Variants in KMT2C observed in about 807,000 individuals in gnomAD.
KMT2C encodes histone-lysine N-methyltransferase 2C.
A neutral mutation model predicts 507.9 loss-of-function variants in KMT2C; 88 were observed. The ratio of observed to expected loss-of-function variants is 0.17; its 90% CI spans 0.15 to 0.21. The LOEUF (loss-of-function observed/expected upper bound fraction) is 0.21, where lower values mean the gene tolerates loss of function less well. KMT2C is among the 10% of genes least tolerant of loss of function. KMT2C has a pLI of 1.00. For missense variants in KMT2C, 4,954 were observed against 5,957.8 expected (o/e 0.83, Z 5.55); for synonymous variants, 2,049 against 2,080.8 (o/e 0.98, Z 0.42).
chr7:152,313,045 T>C (rs933378315), intron 4 of KMT2C, among the ~76,000 whole-genome samples: 5 of 152,116 alleles, frequency 3.3e-5, no homozygotes, highest in Non-Finnish European at 7.4e-5. Flanking sequence ...CATATAAAAA[T>C]AACCAGTAAT....
At chr7:152,251,044 T>A in intron 11 of KMT2C, 78 bp from the exon 12 acceptor site, 1 of 804,908 alleles carries the variant, frequency 1.2e-6, no homozygotes, top group Non-Finnish European at 2.1e-6. Context: ...TATGATTTTG[T>A]ATGAGTAAGG....
chr7:152,370,410 T>G (rs1273295635), intron 1 of KMT2C, among the ~76,000 whole-genome samples: 1 of 152,144 alleles, frequency 6.6e-6, no homozygotes, highest in Non-Finnish European at 1.5e-5. Flanking sequence ...CCCAGGTGCT[T>G]TCACTAACTA....
rs913392092 is a variant in KMT2C at position 152,155,786 on chromosome 7, A to G, written c.11960+124T>C. 13 of 907,710 alleles carry G rather than the reference A, an allele frequency of 1.4e-5. No homozygotes were observed. The African/African-American group carries it at 2.2e-4, about 16-fold the overall frequency. 56.2% of individuals were successfully genotyped at this position (907,710 alleles called of 1,614,324 possible). A position where few individuals can be genotyped will look rare whatever the true frequency, so the allele number is the denominator to read the frequency against. ...AAACTTTAAATCCTGAAGATTATTC[A>G]CCAAATTGTACTCTTCAAATGTTTT... On this transcript the variant is annotated intron_variant, in intron 46 of 58. Transcript: ENST00000262189.
chr7:152,422,116 T>G (rs1315656624), intron 1 of KMT2C, among the ~76,000 whole-genome samples: 1 of 151,956 alleles, frequency 6.6e-6, no homozygotes, highest in Non-Finnish European at 1.5e-5. Flanking sequence ...CCAAAATACA[T>G]ACTTCTACTA....
chr7:152,390,269 T>C lies in KMT2C; in HGVS notation c.162-31594A>G, dbSNP rs568890296. Among the ~76,000 whole-genome samples, 28 of 152,428 alleles carry C rather than the reference T, an allele frequency of 1.8e-4. No individual in the cohort carries two copies. In the East Asian group the frequency reaches 3.3e-3, roughly 18 times the overall value. The stretch of plus-strand genomic sequence containing the variant: ...AAGTATTAAATGACATAACTAAATA[T>C]TCTAGACATCATTCTACCATAAGTT... On this transcript the variant is annotated intron_variant, in intron 1 of 58. Transcript: ENST00000262189.
At chr7:152,149,198 C>G (rs2091401814) in intron 51 of KMT2C, 46 bp from the exon 52 acceptor site, 1 of 1,441,768 alleles carries the variant, frequency 6.9e-7, no homozygotes, top group African/African-American at 1.4e-5. Flanking sequence ...AATTCACAAG[C>G]CCGGAAAGCA....
intron 14 of KMT2C, among the ~76,000 whole-genome samples, chr7:152,240,861 T>C (rs2095369816): frequency 6.6e-6 from 1 of 152,194 alleles, no homozygotes; most frequent in Non-Finnish European, 1.5e-5. Context: ...CCTAACCTGC[T>C]ACAAGAGTCT....
At chr7:152,258,790 T>C (rs944884148) in intron 9 of KMT2C, among the ~76,000 whole-genome samples, 2 of 152,124 alleles carry the variant, frequency 1.3e-5, no homozygotes, top group Non-Finnish European at 2.9e-5. Context: ...CCTCCCAAAG[T>C]GCTAAGATTA....
chr7:152,367,639 A>T, intron 1 of KMT2C: 1 of 1,423,794 alleles, frequency 7.0e-7, no homozygotes, highest in Non-Finnish European at 9.9e-7. Context: ...GGACAATCCA[A>T]AGTTTTAATC....
chr7:152,339,737 G>A (rs1372467013), intron 2 of KMT2C, among the ~76,000 whole-genome samples: 3 of 152,132 alleles, frequency 2.0e-5, no homozygotes, highest in African/African-American at 7.2e-5. Context: ...ATGAAAACAG[G>A]CACTGTATCT....
intron 1 of KMT2C, among the ~76,000 whole-genome samples, chr7:152,373,135 G>A (rs1032522925): frequency 6.6e-6 from 1 of 152,082 alleles, no homozygotes; most frequent in African/African-American, 2.4e-5. Flanking sequence ...AAGGAAAAAT[G>A]ATCATCTCAA....
At chr7:152,170,135 A>T (rs2092898778) in intron 40 of KMT2C, among the ~76,000 whole-genome samples, 1 of 152,246 alleles carries the variant, frequency 6.6e-6, no homozygotes, top group Non-Finnish European at 1.5e-5. Context: ...AAAAAACAAG[A>T]GGCTAAAGAA....
intron 24 of KMT2C, among the ~76,000 whole-genome samples, chr7:152,206,885 C>A (rs979295874): frequency 6.6e-6 from 1 of 152,118 alleles, no homozygotes; most frequent in African/African-American, 2.4e-5. Context: ...TGTATACTTA[C>A]TGGCACTCCT....
chr7:152,218,922 T>C (rs1329769842), intron 23 of KMT2C, among the ~76,000 whole-genome samples: 1 of 152,118 alleles, frequency 6.6e-6, no homozygotes, highest in Non-Finnish European at 1.5e-5. Context: ...TGTGCTCAAA[T>C]ACTGCTTTCT....
chr7:152,156,188 G>A lies in KMT2C; in HGVS notation c.11812+17C>T, dbSNP rs1418699802. ...CACATTTCTCCGAGGTGTGAAATTT[G>A]GAGGCTATAATCATACCTTCATGGC... On this transcript the variant is annotated intron_variant, in intron 45 of 58. Coordinates refer to ENST00000262189, the MANE Select transcript of KMT2C (RefSeq NM_170606.3). The A allele has an allele frequency of 6.2e-7, 1 of 1,612,764 alleles. No individual in the cohort carries two copies. The highest frequency in any genetic ancestry group is 1.7e-5 in the Admixed American group (1 of 59,940).
intron 9 of KMT2C, among the ~76,000 whole-genome samples, chr7:152,255,148 T>TATATATATATATAC (rs1563607582): frequency 5.6e-5 from 7 of 125,340 alleles, no homozygotes; most frequent in African/African-American, 2.1e-4. Context: ...TATATATACA[T>TATATATATATATAC]ATATATATAT....
chr7:152,310,147 A>G, intron 5 of KMT2C, 72 bp from the exon 6 acceptor site: 1 of 976,808 alleles, frequency 1.0e-6, no homozygotes, highest in East Asian at 2.5e-5. Flanking sequence ...ATAAAGACAT[A>G]AAACTTCAAA....
In KMT2C at chr7:152,136,246, G is replaced by A. The variant is rs2089861937; in HGVS notation, c.*586C>T. On this transcript the variant is annotated 3_prime_UTR_variant, in exon 59 of 59. Coordinates refer to ENST00000262189, the MANE Select transcript of KMT2C (RefSeq NM_170606.3). ...GACTCATGGAATCAAGTATTTAAATGTATTTAGTGCAAGTTATTATCCCTT... is the reference window on the plus strand; with the variant it reads ...GACTCATGGAATCAAGTATTTAAATATATTTAGTGCAAGTTATTATCCCTT... The A allele has an allele frequency of 4.7e-6, 1 of 212,382 alleles. No homozygotes were observed. Among genetic ancestry groups the A allele is most frequent in the African/African-American group, 2.3e-5 (1 of 44,216 alleles). The allele number at this position is 212,382 out of a possible 1,614,324, so 13.2% of individuals were successfully genotyped here. A position where few individuals can be genotyped will look rare whatever the true frequency, so the allele number is the denominator to read the frequency against.
At chr7:152,267,301 A>T (rs891555979) in intron 7 of KMT2C, among the ~76,000 whole-genome samples, 47 of 152,344 alleles carry the variant, frequency 3.1e-4, no homozygotes, top group African/African-American at 1.1e-3. Flanking sequence ...GGATCTCAAT[A>T]GCCAGATGTT....
Sources: gnomAD v4.1 joint callset for allele counts (sites outside exome capture counted in the v4.1 genomes callset) on GRCh38, gnomAD v4.1.1 for gene constraint, MANE v1.5 for transcripts, NCBI Gene and HGNC (gene_info 2026-07-23, HGNC 2026-07-21) for gene names.